The following NPAS1 variants were observed in gnomAD, a reference collection of about 807,000 sequenced individuals.
NPAS1 encodes the protein neuronal PAS domain protein 1, also known as neuronal PAS domain-containing protein 1.
NPAS1 carries 29 observed loss-of-function variants against 49.2 expected under a neutral mutation model. The observed-to-expected ratio is 0.59, with a 90% CI of 0.44 to 0.80. NPAS1 has a LOEUF of 0.80. NPAS1 is among the 30% of genes least tolerant of loss of function. The probability of loss-of-function intolerance (pLI) is 0.00; values close to 1 mark genes in which losing one functional copy is unlikely to be tolerated. For missense variants in NPAS1, 825 were observed against 835.5 expected (o/e 0.99, Z 0.15); for synonymous variants, 408 against 380.4 (o/e 1.07, Z -0.84).
chr19:47,040,027 T>G (rs999144014), intron 8 of NPAS1, among the ~76,000 whole-genome samples: 29 of 151,926 alleles, frequency 1.9e-4, no homozygotes, highest in African/African-American at 6.3e-4. Context: ...TTTTGTGGTT[T>G]GTTTGTTTGT....
At chr19:47,022,824 TTTATTA>T (rs1427755243) in intron 3 of NPAS1, among the ~76,000 whole-genome samples, 3 of 152,194 alleles carry the variant, frequency 2.0e-5, no homozygotes, top group Admixed American at 1.3e-4. Context: ...AATATCTAAG[TTTATTA>T]TTATTACTCA....
chr19:47,040,678 G>A (rs2057009501), intron 9 of NPAS1, 128 bp downstream of exon 9: 11 of 658,816 alleles, frequency 1.7e-5, no homozygotes, highest in Non-Finnish European at 3.0e-5. Flanking sequence ...CAGCTCCAGG[G>A]ACTCCGTTTA....
At position 47,045,394 on chromosome 19, in the gene NPAS1, G is replaced by C. The variant is rs751350248; in HGVS notation, c.1516G>C (p.Asp506His). 2 of 1,612,540 alleles carry C rather than the reference G, an allele frequency of 1.2e-6. No individual in the cohort carries two copies. The highest frequency in any genetic ancestry group is 1.7e-6 in the Non-Finnish European group (2 of 1,179,550). Reference sequence around the variant, plus strand: ...CATCCGGGCAGGGGTCCTGAAGCAGGATCCGGTGCGGCCATGGGGCCTGGC... The same window carrying C: ...CATCCGGGCAGGGGTCCTGAAGCAGCATCCGGTGCGGCCATGGGGCCTGGC... ...SVIRAGVLKQ[D>H]PVRPWGLAPP... Residue 506 changes from aspartate to histidine, a missense_variant, in exon 12 of 12, where the codon GAT becomes CAT. Coordinates refer to ENST00000602212, the MANE Select transcript of NPAS1 (RefSeq NM_002517.4).
Position 47,039,515 on chromosome 19 carries a change from A to G in NPAS1, c.913A>G (p.Ile305Val). ...TGAGCTGCCACTCCATGGACACATG[A>G]TCGTCTTCCGTCTCAGCCTGGGTCT... ...LAELPLHGHM[I>V]VFRLSLGLTI... The change falls in exon 8 of 12, where the codon ATC becomes GTC. Residue 305 changes from isoleucine (I) to valine (V), a missense_variant. Ile to Val is a conservative substitution (Grantham distance 29). Coordinates refer to ENST00000602212, the MANE Select transcript of NPAS1 (RefSeq NM_002517.4). 2 of 1,609,146 alleles carry G rather than the reference A, an allele frequency of 1.2e-6. No homozygotes were observed. The highest frequency in any genetic ancestry group is 1.7e-6 in the Non-Finnish European group (2 of 1,177,158).
At chr19:47,032,441 T>TG in intron 4 of NPAS1, 90 bp downstream of exon 4, 1 of 1,394,590 alleles carries the variant, frequency 7.2e-7, no homozygotes, top group Non-Finnish European at 1.0e-6. Flanking sequence ...ATCCATCTAT[T>TG]GTGGGGGGTA....
chr19:47,037,724 G>T (rs985855202), intron 6 of NPAS1, among the ~76,000 whole-genome samples: 36 of 152,184 alleles, frequency 2.4e-4, no homozygotes, highest in Non-Finnish European at 1.2e-4. Context: ...CATCAGCTGT[G>T]CTTGCAAGCG....
At chr19:47,040,578 T>C in intron 9 of NPAS1, 28 bp downstream of exon 9, 1 of 1,478,896 alleles carries the variant, frequency 6.8e-7, no homozygotes, top group Non-Finnish European at 9.3e-7. Context: ...CCACCAAGCC[T>C]GCCTACCACC....
chr19:47,023,380 T>C (rs975409827), intron 3 of NPAS1, among the ~76,000 whole-genome samples: 1 of 152,110 alleles, frequency 6.6e-6, no homozygotes, highest in African/African-American at 2.4e-5. Context: ...AGCACTGACG[T>C]GGCAGAGCAT....
chr19:47,034,395 C>A (rs1345966557), intron 5 of NPAS1, among the ~76,000 whole-genome samples: 1 of 151,460 alleles, frequency 6.6e-6, no homozygotes, highest in Non-Finnish European at 1.5e-5. Context: ...GCACCTTAAG[C>A]TTTGCCAGTC....
At chr19:47,024,973 C>A (rs560605466) in intron 3 of NPAS1, among the ~76,000 whole-genome samples, 1 of 151,672 alleles carries the variant, frequency 6.6e-6, no homozygotes, top group African/African-American at 2.4e-5. Context: ...CCGCGCCTGG[C>A]TAATTTTTTG....
chr19:47,045,471 G>T lies in NPAS1; in HGVS notation c.1593G>T (p.Pro531=). ...TCCTGCACGCGGGCTTCCTGCCGCC[G>T]GTGGTGCGGGGCCTGTGCACACCCG... The part of the protein sequence containing the change: ...PTLLHAGFLP[P]VVRGLCTPGT... Residue 531 remains proline, a synonymous_variant, in exon 12 of 12, where the codon CCG becomes CCT. Coordinates refer to ENST00000602212, the MANE Select transcript of NPAS1 (RefSeq NM_002517.4). The T allele has an allele frequency of 1.9e-6, 3 of 1,576,330 alleles. No individual in the cohort carries two copies. The highest frequency in any genetic ancestry group is 2.6e-6 in the Non-Finnish European group (3 of 1,164,736).
chr19:47,035,221 G>GAAGAAT (rs56400118), intron 5 of NPAS1: 1 of 151,782 alleles, frequency 6.6e-6, no homozygotes, highest in African/African-American at 2.4e-5. Context: ...AGAAGAAGAA[G>GAAGAAT]GAAAGGCTTG....
rs138904465 is a variant in NPAS1, at chr19:47,038,386, G to A, written c.689-650G>A. Among the ~76,000 whole-genome samples the A allele has an allele frequency of 6.7e-5, 10 of 148,782 alleles. No individual in the cohort carries two copies. In the East Asian group the frequency reaches 8.3e-4, roughly 12 times the overall value. On this transcript the variant is annotated intron_variant, in intron 6 of 11. Coordinates refer to ENST00000602212, the MANE Select transcript of NPAS1 (RefSeq NM_002517.4). The stretch of plus-strand genomic sequence containing the variant: ...ACAAAAACTAGCTGGGCATGATGGC[G>A]CGTGCCTGTAATTCCAGCTACTCAG...
intron 3 of NPAS1, among the ~76,000 whole-genome samples, chr19:47,031,908 G>C (rs532120171): frequency 2.0e-5 from 3 of 152,176 alleles, no homozygotes; most frequent in Admixed American, 2.0e-4. Flanking sequence ...AACTGCCCCT[G>C]GTCTGAGAGC....
intron 6 of NPAS1, among the ~76,000 whole-genome samples, chr19:47,037,338 C>CAAAAAAA (rs869125845): frequency 1.7e-4 from 9 of 51,788 alleles, no homozygotes; most frequent in African/African-American, 5.8e-4. Context: ...ACTCCGTCTC[C>CAAAAAAA]AAAAAAAAAA....
rs1568510200 is a variant in NPAS1, at chr19:47,041,128, G to A, written c.1217+3G>A. On this transcript the variant is annotated splice_donor_region_variant and intron_variant, in intron 10 of 11. Transcript: ENST00000602212. Reference sequence around the variant, plus strand: ...CTTTGGGTCAGCCACGTGCTCAGGTGAGGGCTGTGCCCACCCCTCCTGCAG... The same window carrying A: ...CTTTGGGTCAGCCACGTGCTCAGGTAAGGGCTGTGCCCACCCCTCCTGCAG... 1 of 1,577,326 alleles carries A rather than the reference G, an allele frequency of 6.3e-7. No homozygotes were observed. The highest frequency in any genetic ancestry group is 8.6e-7 in the Non-Finnish European group (1 of 1,168,048).
At chr19:47,027,277 G>A (rs1199326272) in intron 3 of NPAS1, among the ~76,000 whole-genome samples, 1 of 152,170 alleles carries the variant, frequency 6.6e-6, no homozygotes, top group East Asian at 1.9e-4. Context: ...GGTGACGGGG[G>A]AGATCTGGGA....
At position 47,042,011 on chromosome 19, in the gene NPAS1, A is replaced by AAGG. The variant is rs2057027688; in HGVS notation, c.1218-798_1218-797insGGA. Reference sequence around the variant, plus strand: ...AAAAAAAAAAAAAAAAAAAAAAGGAAAAAACACCCTTCTAGGCCAGGCACA... The same window carrying AAGG: ...AAAAAAAAAAAAAAAAAAAAAAGGAAAGGAAAACACCCTTCTAGGCCAGGCACA... On this transcript the variant is annotated intron_variant, in intron 10 of 11. Transcript: ENST00000602212. Among the ~76,000 whole-genome samples the AAGG allele has an allele frequency of 2.7e-4, 23 of 86,704 alleles. 2 individuals are homozygous for AAGG. The South Asian group carries it at 5.6e-3, about 21-fold the overall frequency. The allele number at this position is 86,704 out of a possible 152,430, so 56.9% of individuals were successfully genotyped here.
chr19:47,031,213 T>C (rs976099183), intron 3 of NPAS1, among the ~76,000 whole-genome samples: 7 of 142,658 alleles, frequency 4.9e-5, no homozygotes, highest in Admixed American at 4.2e-4. Flanking sequence ...TTTTTTTTTT[T>C]AAACAGACGG....
Sources: gnomAD v4.1 joint callset for allele counts (sites outside exome capture counted in the v4.1 genomes callset) on GRCh38, gnomAD v4.1.1 for gene constraint, MANE v1.5 for transcripts, NCBI Gene and HGNC (gene_info 2026-07-23, HGNC 2026-07-21) for gene names.